Variants in GPR162 observed in about 807,000 individuals in gnomAD.
GPR162 encodes probable G protein-coupled receptor 162.
Under a neutral mutation model 44.9 loss-of-function variants are expected in GPR162, and 26 were observed. That is an observed-to-expected ratio of 0.58 (90% CI 0.42 to 0.80). The LOEUF (loss-of-function observed/expected upper bound fraction) is 0.80. Ranked by LOEUF, GPR162 falls within the 30% of genes least tolerant of loss-of-function variation. The pLI is 0.00. For missense variants in GPR162, 704 were observed against 802.3 expected (o/e 0.88, Z 1.48); for synonymous variants, 363 against 335.2 (o/e 1.08, Z -0.91).
rs1555120004 is a variant in GPR162, at chr12:6,826,212, C to G, written c.1074C>G (p.Asp358Glu). ...EDGDDDGGCD[D>E]YAEGRVCKVR... Reference sequence around the variant, plus strand: ...CTCTCCTAGATGGGGGCTGTGACGACTATGCAGAGGGCCGAGTTTGCAAAG... The same window carrying G: ...CTCTCCTAGATGGGGGCTGTGACGAGTATGCAGAGGGCCGAGTTTGCAAAG... Residue 358 changes from aspartate (D) to glutamate (E), a missense_variant, in exon 4 of 5, where the codon GAC (aspartate) becomes GAG (glutamate). Coordinates refer to ENST00000311268, the MANE Select transcript of GPR162 (RefSeq NM_019858.2). The G allele has an allele frequency of 1.2e-6, 2 of 1,613,822 alleles. No individual in the cohort carries two copies. The highest frequency in any genetic ancestry group is 2.2e-5 in the East Asian group (1 of 44,878).
chr12:6,824,732 T>C lies in GPR162; in HGVS notation c.834T>C (p.Phe278=). The C allele has an allele frequency of 1.2e-6, 2 of 1,613,692 alleles. No homozygotes were observed. The highest frequency in any genetic ancestry group is 4.5e-5 in the East Asian group (2 of 44,872). ...CCAACTTGGTCAGCGCCATCGTCTTTCTCTATGACTCACTCACAGGGGTGC... is the reference window on the plus strand; with the variant it reads ...CCAACTTGGTCAGCGCCATCGTCTTCCTCTATGACTCACTCACAGGGGTGC... ...QVTNLVSAIV[F]LYDSLTGVPI... is the part of the protein sequence containing the mutation. Residue 278 remains phenylalanine, a synonymous_variant, in exon 2 of 5, where the codon TTT becomes TTC. Coordinates refer to ENST00000311268, the MANE Select transcript of GPR162 (RefSeq NM_019858.2).
rs1555119907 is a variant in GPR162, at chr12:6,825,643, G to A, written c.1027G>A (p.Ala343Thr). The A allele has an allele frequency of 3.2e-6, 5 of 1,580,408 alleles. No individual in the cohort carries two copies. The highest frequency in any genetic ancestry group is 1.3e-5 in the African/African-American group (1 of 74,212). ...GCGCACAGTGTGGGAGCAATGCGTGGCCATCATGTCTGAGGAGGATGGAGA... is the reference window on the plus strand; with the variant it reads ...GCGCACAGTGTGGGAGCAATGCGTGACCATCATGTCTGAGGAGGATGGAGA... ...DVRTVWEQCV[A>T]IMSEEDGDDD... The change falls in exon 3 of 5, where the codon GCC (alanine) becomes ACC (threonine). Residue 343 changes from alanine (A) to threonine (T), a missense_variant. This residue lies in a region of GPR162 where 92 missense variants were observed against 156.5 expected (regional missense o/e 0.59). Coordinates refer to ENST00000311268, the MANE Select transcript of GPR162 (RefSeq NM_019858.2).
In GPR162 at chr12:6,823,854, C is replaced by A. The variant is rs781792275; in HGVS notation, c.-45C>A. 21 of 1,581,116 alleles carry A rather than the reference C, an allele frequency of 1.3e-5. No individual in the cohort carries two copies. In the South Asian group the frequency reaches 2.3e-4, roughly 17 times the overall value. ...AGTGGGGCTCCTGGGTGAGACCTAGCCCCCACCCCCACAGAGCTCAAGGGG... is the reference window on the plus strand; with the variant it reads ...AGTGGGGCTCCTGGGTGAGACCTAGACCCCACCCCCACAGAGCTCAAGGGG... On this transcript the variant is annotated 5_prime_UTR_variant, in exon 2 of 5. Coordinates refer to ENST00000311268, the MANE Select transcript of GPR162 (RefSeq NM_019858.2).
At position 6,826,300 on chromosome 12, in the gene GPR162, C is replaced by A; in HGVS notation, c.1162C>A (p.Leu388Met). 1.2e-6 allele frequency: 2 copies of A among 1,613,866 alleles called. No individual in the cohort carries two copies. Among genetic ancestry groups the A allele is most frequent in the African/African-American group, 1.3e-5 (1 of 75,032 alleles). The change falls in exon 4 of 5, where the codon CTG becomes ATG. Residue 388 changes from leucine to methionine, a missense_variant. By Grantham distance (15) the Leu-to-Met change is conservative. Around this residue, in one of 6 missense-constraint regions of GPR162, gnomAD observed 404 missense variants for 314.1 expected, o/e 1.29. Transcript: ENST00000311268. ...GSRDPAQVKLLPGRHMLFPPL... is the reference protein window; with the variant it reads ...GSRDPAQVKLMPGRHMLFPPL... ...CCGGGACCCCGCCCAGGTGAAGCTG[C>A]TGCCTGGAAGGCACATGCTCTTCCC...
At position 6,824,094 on chromosome 12, in the gene GPR162, C is replaced by T. The variant is rs781965709; in HGVS notation, c.196C>T (p.Pro66Ser). The T allele has an allele frequency of 6.2e-7, 1 of 1,613,816 alleles. No homozygotes were observed. The highest frequency in any genetic ancestry group is 8.5e-7 in the Non-Finnish European group (1 of 1,179,986). Residue 66 changes from proline (P) to serine (S), a missense_variant, in exon 2 of 5, where the codon CCC becomes TCC. Physicochemically the swap from Pro to Ser is moderately conservative, Grantham distance 74. Transcript: ENST00000311268. ...AGTHILMAAV[P>S]LTTFAVVQLR... ...CACACACATACTCATGGCAGCTGTG[C>T]CCCTCACCACCTTTGCCGTGGTGCA...
rs1056510466 is a variant in GPR162, at chr12:6,824,513, A to G, written c.615A>G (p.Thr205=). Reference sequence around the variant, plus strand: ...GTGTGGCCATCACCTTCTACCAGACACTGTGGGCCCGGCCCCGGAGGGCTC... The same window carrying G: ...GTGTGGCCATCACCTTCTACCAGACGCTGTGGGCCCGGCCCCGGAGGGCTC... ...LVCVAITFYQ[T]LWARPRRARQ... The change falls in exon 2 of 5, where the codon ACA becomes ACG. Residue 205 remains threonine, a synonymous_variant. Coordinates refer to ENST00000311268, the MANE Select transcript of GPR162 (RefSeq NM_019858.2). 1 of 1,607,720 alleles carries G rather than the reference A, an allele frequency of 6.2e-7. No homozygotes were observed.
chr12:6,826,192 C>T lies in GPR162; in HGVS notation c.1058-4C>T. 6.2e-7 allele frequency: 1 copy of T among 1,612,318 alleles called. No individual in the cohort carries two copies. The highest frequency in any genetic ancestry group is 8.5e-7 in the Non-Finnish European group (1 of 1,178,948). ...GTAACCACTCTGCCCATTTTCTCTCCTAGATGGGGGCTGTGACGACTATGC... is the reference window on the plus strand; with the variant it reads ...GTAACCACTCTGCCCATTTTCTCTCTTAGATGGGGGCTGTGACGACTATGC... On this transcript the variant is annotated splice_region_variant and splice_polypyrimidine_tract_variant and intron_variant, in intron 3 of 4. Transcript: ENST00000311268.
intron 1 of GPR162, 63 bp from the exon 2 acceptor site, chr12:6,823,405 T>C (rs1488176598): frequency 3.4e-6 from 1 of 297,152 alleles, no homozygotes; most frequent in Non-Finnish European, 6.2e-6. Context: ...AGGAGGCTGA[T>C]TGGAGACCAG....
Position 6,826,847 on chromosome 12 carries a change from G to T in GPR162, c.1410G>T (p.Glu470Asp), listed in dbSNP as rs1555120260. ...TGGAGGACGAGGAGGACGAGGAAGA[G>T]GCTGAAGGTGGGGGGCTGGCCAGCC... ...HRLEDEEDEEEAEGGGLASLR... is the reference protein window; with the variant it reads ...HRLEDEEDEEDAEGGGLASLR... The change falls in exon 5 of 5, where the codon GAG becomes GAT. Residue 470 changes from glutamate to aspartate, a missense_variant. By Grantham distance (45) the Glu-to-Asp change is conservative (BLOSUM62 2). Transcript: ENST00000311268. The T allele has an allele frequency of 6.2e-7, 1 of 1,612,164 alleles. No homozygotes were observed.
intron 2 of GPR162, 196 bp downstream of exon 2, chr12:6,824,961 C>T (rs1555119787): frequency 4.3e-6 from 3 of 703,050 alleles, no homozygotes; most frequent in East Asian, 5.4e-5. Flanking sequence ...GTTCCCACTA[C>T]CCTGTTTACC....
At position 6,824,241 on chromosome 12, in the gene GPR162, C is replaced by A; in HGVS notation, c.343C>A (p.Arg115Ser). 4 of 1,614,062 alleles carry A rather than the reference C, an allele frequency of 2.5e-6. No individual in the cohort carries two copies. The highest frequency in any genetic ancestry group is 3.4e-6 in the Non-Finnish European group (4 of 1,180,042). The change falls in exon 2 of 5, where the codon CGC (arginine) becomes AGC (serine). Residue 115 changes from arginine to serine, a missense_variant. Coordinates refer to ENST00000311268, the MANE Select transcript of GPR162 (RefSeq NM_019858.2). ...CFTVASLSYH[R>S]MWMVRWPVNY... ...CACGGTCGCCTCCCTCTCCTACCAT[C>A]GCATGTGGATGGTGCGCTGGCCCGT...
chr12:6,824,815 C>A, intron 2 of GPR162, 50 bp downstream of exon 2: 1 of 1,451,742 alleles, frequency 6.9e-7, no homozygotes, highest in Non-Finnish European at 9.6e-7. Context: ...CAGGCCCCAG[C>A]ATCATCACCT....
intron 3 of GPR162, 93 bp downstream of exon 3, chr12:6,825,766 G>A (rs1441160482): frequency 8.7e-7 from 1 of 1,143,450 alleles, no homozygotes; most frequent in Non-Finnish European, 1.3e-6. Context: ...CTGCCCTGGA[G>A]TGCCCCCTAC....
rs1309688398 is a variant in GPR162, at chr12:6,822,755, G to A, written c.-431-713G>A. ...TCCTCCAGTCCCTCCTCCCTCCAAA[G>A]CCTCCTCTCCAGGGGGTTTGAGCTT... On this transcript the variant is annotated intron_variant, in intron 1 of 4. Coordinates refer to ENST00000311268, the MANE Select transcript of GPR162 (RefSeq NM_019858.2). This position sits in a 1 kb window ranked among gnomAD's most constrained non-coding sequence, Gnocchi z 4.2. 2.1e-5 allele frequency among the ~76,000 whole-genome samples: 3 copies of A among 140,364 alleles called. No individual in the cohort carries two copies. Among genetic ancestry groups the A allele is most frequent in the African/African-American group, 7.7e-5 (3 of 39,066 alleles). 92.1% of individuals were successfully genotyped at this position (140,364 alleles called of 152,430 possible).
chr12:6,827,410 T>A lies in GPR162; in HGVS notation c.*206T>A. The stretch of plus-strand genomic sequence containing the variant: ...GCAATATGTATTAAAGTCTGAAGTG[T>A]TGCCATGGAAACCTCAGTGTCCAGT... On this transcript the variant is annotated 3_prime_UTR_variant, in exon 5 of 5. Coordinates refer to ENST00000311268, the MANE Select transcript of GPR162 (RefSeq NM_019858.2). 1 of 579,240 alleles carries A rather than the reference T, an allele frequency of 1.7e-6. No homozygotes were observed. The highest frequency in any genetic ancestry group is 2.2e-5 in the South Asian group (1 of 46,418). The allele number at this position is 579,240 out of a possible 1,614,324, so 35.9% of individuals were successfully genotyped here. A position where few individuals can be genotyped will look rare whatever the true frequency, so the allele number is the denominator to read the frequency against.
At chr12:6,826,389 G>A (rs1355590647) in intron 4 of GPR162, 36 bp downstream of exon 4, 3 of 1,570,790 alleles carry the variant, frequency 1.9e-6, no homozygotes, top group Non-Finnish European at 2.6e-6. Context: ...TACCCTTGGT[G>A]CCGCTCATCA....
chr12:6,826,396 A>C (rs782235433), intron 4 of GPR162, 43 bp downstream of exon 4: 1 of 1,555,960 alleles, frequency 6.4e-7, no homozygotes, highest in Non-Finnish European at 8.7e-7. Context: ...GGTGCCGCTC[A>C]TCACTTTTCT....
rs374479998 is a variant in GPR162 at position 6,827,167 on chromosome 12, G to T, written c.1730G>T (p.Gly577Val). 1.4e-5 allele frequency: 22 copies of T among 1,612,062 alleles called. No individual in the cohort carries two copies. The highest frequency in any genetic ancestry group is 1.8e-5 in the Non-Finnish European group (21 of 1,179,454). ...GCAAGGGCTTGGGGAGGATCCTGGG[G>T]CCCAGGCAACCCCATCTTTCCCCAG... Reference protein sequence around the residue: ...ESARAWGGSWGPGNPIFPQLT... With the variant: ...ESARAWGGSWVPGNPIFPQLT... The change falls in exon 5 of 5, where the codon GGC (glycine) becomes GTC (valine). Residue 577 changes from glycine to valine, a missense_variant. This residue lies in a region of GPR162 where 404 missense variants were observed against 314.1 expected (regional missense o/e 1.29). Transcript: ENST00000311268.
Position 6,822,487 on chromosome 12 carries a change from A to G in GPR162, c.-432+587A>G, listed in dbSNP as rs1157827372. ...TTACCCCACTTACCCTAAAGCCATT[A>G]TGTGCTTCCTTACAGCCCCACTCTG... On this transcript the variant is annotated intron_variant, in intron 1 of 4. Coordinates refer to ENST00000311268, the MANE Select transcript of GPR162 (RefSeq NM_019858.2). This position sits in a 1 kb window ranked among gnomAD's most constrained non-coding sequence, Gnocchi z 4.2. 6.6e-6 allele frequency among the ~76,000 whole-genome samples: 1 copy of G among 152,008 alleles called. No individual in the cohort carries two copies. The highest frequency in any genetic ancestry group is 1.5e-5 in the Non-Finnish European group (1 of 67,992).
Sources: gnomAD v4.1 joint callset for allele counts (sites outside exome capture counted in the v4.1 genomes callset) on GRCh38, gnomAD v4.1.1 for gene constraint, gnomAD v4.1.1 regional missense constraint, Gnocchi (gnomAD v3.1) non-coding constraint, MANE v1.5 for transcripts, NCBI Gene and HGNC (gene_info 2026-07-23, HGNC 2026-07-21) for gene names.